NBEA: variants seen among roughly 807,000 people sequenced by gnomAD.
The protein encoded by NBEA is lysosomal-trafficking regulator 2.
NBEA carries 44 observed loss-of-function variants against 343.4 expected under a neutral mutation model. That is an observed-to-expected ratio of 0.13 (90% CI 0.10 to 0.16). NBEA has a LOEUF of 0.16. Ranked by LOEUF, NBEA falls within the 10% of genes least tolerant of loss-of-function variation. The pLI, the probability that NBEA is intolerant of heterozygous loss-of-function variation, is 1.00. For missense variants in NBEA, 2,555 were observed against 3,631.3 expected (o/e 0.70, Z 7.62); for synonymous variants, 1,175 against 1,238.7 (o/e 0.95, Z 1.08).
At chr13:35,274,835 A>G (rs1294974682) in intron 34 of NBEA, among the ~76,000 whole-genome samples, 2 of 152,240 alleles carry the variant, frequency 1.3e-5, no homozygotes, top group East Asian at 3.8e-4. Context: ...ACTACAAACC[A>G]CTGCTCAATG....
intron 34 of NBEA, among the ~76,000 whole-genome samples, chr13:35,288,100 A>G (rs777823583): frequency 2.6e-5 from 4 of 151,962 alleles, no homozygotes; most frequent in Admixed American, 6.6e-5. Context: ...TTGATTATGA[A>G]TTTTTTGCCA....
chr13:35,202,831 A>G (rs1014451972), intron 31 of NBEA, among the ~76,000 whole-genome samples: 1 of 152,118 alleles, frequency 6.6e-6, no homozygotes, highest in African/African-American at 2.4e-5. Flanking sequence ...AGCTGCTCCA[A>G]CCATATTCTT....
Position 35,370,417 on chromosome 13 carries a change from G to GTA in NBEA, c.6179+18096_6179+18097dup, listed in dbSNP as rs1249722406. ...TTTCCCATTCCTTTATTTTTAGTCTGTATGTGTCTTTGCAGATGAGATGAG... is the reference window on the plus strand; with the variant it reads ...TTTCCCATTCCTTTATTTTTAGTCTGTATATGTGTCTTTGCAGATGAGATGAG... On this transcript the variant is annotated intron_variant, in intron 38 of 58. Coordinates refer to ENST00000379939, the MANE Select transcript of NBEA (RefSeq NM_001385012.1). Among the ~76,000 whole-genome samples, 4 of 151,854 alleles carry GTA rather than the reference G, an allele frequency of 2.6e-5. No homozygotes were observed. The East Asian group carries it at 7.7e-4, about 29-fold the overall frequency.
Position 35,475,133 on chromosome 13 carries a change from C to T in NBEA, c.6585+2597C>T. 1.9e-6 allele frequency: 3 copies of T among 1,614,060 alleles called. No individual in the cohort carries two copies. Among genetic ancestry groups the T allele is most frequent in the Non-Finnish European group, 2.5e-6 (3 of 1,180,012 alleles). On this transcript the variant is annotated intron_variant, in intron 41 of 58. Coordinates refer to ENST00000379939, the MANE Select transcript of NBEA (RefSeq NM_001385012.1). Reference sequence around the variant, plus strand: ...CGCCACGTTTGTTTGGCAGCGTTTTCCAGAGCTGAGTGAGGTTTGCCTTGA... The same window carrying T: ...CGCCACGTTTGTTTGGCAGCGTTTTTCAGAGCTGAGTGAGGTTTGCCTTGA...
At chr13:34,953,633 G>A (rs1025172335) in intron 1 of NBEA, among the ~76,000 whole-genome samples, 14 of 152,116 alleles carry the variant, frequency 9.2e-5, no homozygotes, top group Non-Finnish European at 7.4e-5. Flanking sequence ...ATTACAGTTG[G>A]CCCTCTGTAT....
intron 38 of NBEA, among the ~76,000 whole-genome samples, chr13:35,362,183 ATTG>A (rs1390633701): frequency 1.3e-5 from 2 of 151,964 alleles, no homozygotes; most frequent in Admixed American, 1.3e-4. Context: ...ATATTATTTA[ATTG>A]TTGTTATAAA....
intron 36 of NBEA, among the ~76,000 whole-genome samples, chr13:35,316,513 G>A (rs1352844491): frequency 6.6e-6 from 1 of 152,158 alleles, no homozygotes; most frequent in Admixed American, 6.5e-5. Context: ...TATCATTGAT[G>A]GGCATTTAGG....
chr13:35,398,828 A>C (rs894213907), intron 38 of NBEA, among the ~76,000 whole-genome samples: 1 of 152,038 alleles, frequency 6.6e-6, no homozygotes, highest in African/African-American at 2.4e-5. Flanking sequence ...TGTCAGCTGC[A>C]TTAGCCCCCA....
chr13:35,055,520 T>C (rs1377750892), intron 6 of NBEA, among the ~76,000 whole-genome samples: 4 of 152,190 alleles, frequency 2.6e-5, no homozygotes, highest in Non-Finnish European at 5.9e-5. Flanking sequence ...TTCCTGACCA[T>C]GCAATCCAAA....
intron 34 of NBEA, among the ~76,000 whole-genome samples, chr13:35,282,418 GA>G (rs1262743393): frequency 6.6e-6 from 1 of 152,084 alleles, no homozygotes; most frequent in Non-Finnish European, 1.5e-5. Flanking sequence ...GTTAAAATTT[GA>G]ACCAGACATA....
chr13:35,422,698 G>T (rs1594579177), intron 38 of NBEA, among the ~76,000 whole-genome samples: 1 of 152,108 alleles, frequency 6.6e-6, no homozygotes, highest in African/African-American at 2.4e-5. Flanking sequence ...GGTATTTCTA[G>T]TTCTAGATAC....
At chr13:35,345,824 T>C (rs915024225) in intron 36 of NBEA, among the ~76,000 whole-genome samples, 1 of 152,036 alleles carries the variant, frequency 6.6e-6, no homozygotes, top group African/African-American at 2.4e-5. Flanking sequence ...GCATAAAGAC[T>C]TGTGAAATGA....
intron 10 of NBEA, among the ~76,000 whole-genome samples, chr13:35,084,498 A>T (rs2064618908): frequency 6.6e-6 from 1 of 152,206 alleles, no homozygotes; most frequent in Admixed American, 6.5e-5. Context: ...TAAATAATGA[A>T]ACGAAGGTAT....
intron 49 of NBEA, among the ~76,000 whole-genome samples, chr13:35,641,620 A>G (rs1408791820): frequency 6.6e-6 from 1 of 152,196 alleles, no homozygotes; most frequent in African/African-American, 2.4e-5. Context: ...AGAATAAAAA[A>G]TAATTGATGA....
intron 38 of NBEA, among the ~76,000 whole-genome samples, chr13:35,361,496 A>C (rs1419274625): frequency 6.6e-6 from 1 of 152,074 alleles, no homozygotes; most frequent in Non-Finnish European, 1.5e-5. Context: ...ATGTGCAAAA[A>C]TCGGAACTTG....
intron 56 of NBEA, among the ~76,000 whole-genome samples, chr13:35,666,132 GA>G: frequency 6.8e-6 from 1 of 147,512 alleles, no homozygotes; most frequent in South Asian, 2.2e-4. Flanking sequence ...GAAGGGATGG[GA>G]GGGGCCTGGG....
intron 38 of NBEA, among the ~76,000 whole-genome samples, chr13:35,416,296 C>T (rs1424678636): frequency 1.3e-5 from 2 of 152,148 alleles, no homozygotes; most frequent in African/African-American, 2.4e-5. Context: ...TGAGAGAGCG[C>T]ATCCCTGTCT....
chr13:35,351,833 G>A (rs1209701231), intron 37 of NBEA, among the ~76,000 whole-genome samples: 1 of 151,794 alleles, frequency 6.6e-6, no homozygotes, highest in East Asian at 1.9e-4. Flanking sequence ...ATACTATATT[G>A]GCTTGATAAA....
At chr13:35,593,283 C>A (rs1243707589) in intron 46 of NBEA, 45 bp from the exon 47 acceptor site, 2 of 1,601,106 alleles carry the variant, frequency 1.2e-6, no homozygotes, top group Admixed American at 3.4e-5. Context: ...ACGAGGGCAG[C>A]TGTGTTTAGA....
Sources: gnomAD v4.1 joint callset for allele counts (sites outside exome capture counted in the v4.1 genomes callset) on GRCh38, gnomAD v4.1.1 for gene constraint, MANE v1.5 for transcripts, NCBI Gene and HGNC (gene_info 2026-07-23, HGNC 2026-07-21) for gene names.